The following PRKCI variants were observed in gnomAD, a reference collection of about 807,000 sequenced individuals.
PRKCI encodes the protein protein kinase C iota type.
Under a neutral mutation model 84.0 loss-of-function variants are expected in PRKCI, and 43 were observed. That is an observed-to-expected ratio of 0.51 (90% CI 0.40 to 0.66). PRKCI has a LOEUF of 0.66. PRKCI is among the 30% of genes least tolerant of loss of function. PRKCI has a pLI of 0.00. For missense variants in PRKCI, 459 were observed against 745.6 expected, an observed-to-expected ratio of 0.62 and a Z score of 4.48; for synonymous variants, 216 against 234.4, an observed-to-expected ratio of 0.92 and a Z score of 0.72.
At chr3:170,270,271 T>C (rs1240967885) in intron 5 of PRKCI, 150 bp from the exon 6 acceptor site, 2 of 694,334 alleles carry the variant, frequency 2.9e-6, no homozygotes, top group African/African-American at 1.8e-5. Flanking sequence ...TAAAAAATTA[T>C]GTATGAGGAA....
rs1027262710 is a variant in PRKCI, at chr3:170,222,494, G to C, written c.-176G>C. The C allele has an allele frequency of 4.0e-6, 2 of 504,712 alleles. No individual in the cohort carries two copies. Among genetic ancestry groups the C allele is most frequent in the African/African-American group, 2.0e-5 (1 of 49,318 alleles). 31.3% of individuals were successfully genotyped at this position (504,712 alleles called of 1,614,324 possible). On this transcript the variant is annotated 5_prime_UTR_variant, in exon 1 of 18. Coordinates refer to ENST00000295797, the MANE Select transcript of PRKCI (RefSeq NM_002740.6). ...GCCTACGGGCAGTGGGAGGAGCCGC[G>C]CGGTTCCGGCTGCTCCGGCGAGGCG... is the stretch of plus-strand genomic sequence containing the variant.
In PRKCI at chr3:170,224,053, G is replaced by A. The variant is rs576160421; in HGVS notation, c.101+1283G>A. 5.9e-4 allele frequency among the ~76,000 whole-genome samples: 87 copies of A among 146,956 alleles called. 3 individuals are homozygous for A. The South Asian group carries it at 0.02, about 34-fold the overall frequency. On this transcript the variant is annotated intron_variant, in intron 1 of 17. Transcript: ENST00000295797. ...TTTACATTAGGTATATCTCCTAATG[G>A]TATCCCTCCCCCCTCCCCCCACCCC...
At chr3:170,252,832 A>T (rs1158616414) in intron 2 of PRKCI, among the ~76,000 whole-genome samples, 1 of 151,760 alleles carries the variant, frequency 6.6e-6, no homozygotes, top group Non-Finnish European at 1.5e-5. Context: ...ACTAGATCTT[A>T]CTCATTCTGT....
At chr3:170,284,906 C>T (rs1734334970) in intron 12 of PRKCI, among the ~76,000 whole-genome samples, 1 of 152,116 alleles carries the variant, frequency 6.6e-6, no homozygotes, top group South Asian at 2.1e-4. Context: ...CTTAACACAA[C>T]CATTTGCATA....
intron 2 of PRKCI, among the ~76,000 whole-genome samples, chr3:170,246,573 G>A (rs548725490): frequency 3.1e-4 from 47 of 152,306 alleles, no homozygotes; most frequent in Non-Finnish European, 5.6e-4. Flanking sequence ...AGGATTACAG[G>A]CATGAGCCAC....
In PRKCI at chr3:170,270,488, A is replaced by G. The variant is rs771576001; in HGVS notation, c.518A>G (p.Asn173Ser). 14 of 1,613,856 alleles carry G rather than the reference A, an allele frequency of 8.7e-6. No individual in the cohort carries two copies. The highest frequency in any genetic ancestry group is 8.3e-5 in the Admixed American group (5 of 59,978). Residue 173 changes from asparagine to serine, a missense_variant, in exon 6 of 18, where the codon AAC becomes AGC. Around this residue, in one of 2 missense-constraint regions of PRKCI, gnomAD observed 250 missense variants for 319.7 expected, o/e 0.78. Coordinates refer to ENST00000295797, the MANE Select transcript of PRKCI (RefSeq NM_002740.6). ...GGACGCCAAGGATATAAGTGCATCA[A>G]CTGCAAACTCTTGGTTCATAAGAAG... ...GLGRQGYKCI[N>S]CKLLVHKKCH...
Position 170,293,517 on chromosome 3 carries a change from G to A in PRKCI, c.1417+9G>A. 1.9e-6 allele frequency: 3 copies of A among 1,612,398 alleles called. No homozygotes were observed. The highest frequency in any genetic ancestry group is 2.5e-6 in the Non-Finnish European group (3 of 1,179,194). Reference sequence around the variant, plus strand: ...GGATTATCTCTTCCAAGGTAATTTGGAGTATTTTACAGAGATTCTCTGAGA... The same window carrying A: ...GGATTATCTCTTCCAAGGTAATTTGAAGTATTTTACAGAGATTCTCTGAGA... On this transcript the variant is annotated intron_variant, in intron 14 of 17. Transcript: ENST00000295797.
intron 3 of PRKCI, among the ~76,000 whole-genome samples, chr3:170,261,335 A>G (rs1351561559): frequency 6.6e-6 from 1 of 151,818 alleles, no homozygotes; most frequent in Non-Finnish European, 1.5e-5. Flanking sequence ...TTTGAGAGCT[A>G]TGAGACCAGA....
At chr3:170,298,255 T>G (rs997137135) in intron 16 of PRKCI, among the ~76,000 whole-genome samples, 3 of 152,160 alleles carry the variant, frequency 2.0e-5, no homozygotes, top group Non-Finnish European at 4.4e-5. Context: ...TTTATTTTTT[T>G]AGGAGAAACA....
chr3:170,265,420 C>G (rs1001821860), intron 4 of PRKCI, among the ~76,000 whole-genome samples: 46 of 152,232 alleles, frequency 3.0e-4, no homozygotes, highest in African/African-American at 1.1e-3. Context: ...TCCAACTACT[C>G]TTTGTTCTAA....
At chr3:170,268,149 G>A in intron 5 of PRKCI, 149 bp downstream of exon 5, 1 of 620,006 alleles carries the variant, frequency 1.6e-6, no homozygotes, top group Non-Finnish European at 2.7e-6. Flanking sequence ...GCCTGAGGCA[G>A]TATGCCTATA....
At chr3:170,284,429 A>C in intron 11 of PRKCI, 32 bp from the exon 12 acceptor site, 2 of 1,498,888 alleles carry the variant, frequency 1.3e-6, no homozygotes, top group Non-Finnish European at 1.8e-6. Context: ...AATATGGTTG[A>C]ATCAAATGAC....
intron 13 of PRKCI, among the ~76,000 whole-genome samples, chr3:170,292,533 T>C (rs1734578166): frequency 6.6e-6 from 1 of 152,192 alleles, no homozygotes; most frequent in Non-Finnish European, 1.5e-5. Context: ...GTGGTACTTG[T>C]GAGAGCTGCT....
intron 17 of PRKCI, among the ~76,000 whole-genome samples, chr3:170,302,578 C>T (rs1247476652): frequency 6.6e-6 from 1 of 152,144 alleles, no homozygotes. Flanking sequence ...GATCTCCCTG[C>T]GGTGTTCTCT....
In PRKCI at chr3:170,255,926, G is replaced by A. The variant is rs559803618; in HGVS notation, c.224-4043G>A. 1.3e-3 allele frequency among the ~76,000 whole-genome samples: 193 copies of A among 152,094 alleles called. 2 individuals are homozygous for A. Among genetic ancestry groups the A allele is most frequent in the African/African-American group, 4.0e-3 (164 of 41,500 alleles). On this transcript the variant is annotated intron_variant, in intron 2 of 17. Coordinates refer to ENST00000295797, the MANE Select transcript of PRKCI (RefSeq NM_002740.6). ...CAATTGAAATGATAGTATGATTTTT[G>A]TCCTTTATTCTGTTGTATCATGTTT...
At chr3:170,275,799 C>T (rs1311406500) in intron 8 of PRKCI, among the ~76,000 whole-genome samples, 2 of 152,104 alleles carry the variant, frequency 1.3e-5, no homozygotes. Flanking sequence ...CCCAGTTTGG[C>T]TTCTTGGCAA....
chr3:170,265,430 A>T (rs894826906), intron 4 of PRKCI, among the ~76,000 whole-genome samples: 1 of 152,180 alleles, frequency 6.6e-6, no homozygotes, highest in Non-Finnish European at 1.5e-5. Context: ...CTTTGTTCTA[A>T]TGTAATTTAA....
chr3:170,297,223 GGCACACAACACAGA>G, intron 15 of PRKCI, 67 bp from the exon 16 acceptor site: 1 of 1,111,124 alleles, frequency 9.0e-7, no homozygotes, highest in Admixed American at 1.9e-5. Context: ...ATCATGTGAG[GGCACACAACACAGA>G]TCACAAAGAT....
chr3:170,235,499 A>C (rs1732946271), intron 2 of PRKCI, 148 bp downstream of exon 2: 1 of 814,532 alleles, frequency 1.2e-6, no homozygotes, highest in South Asian at 2.1e-5. Flanking sequence ...AAGTATTTAA[A>C]AGAATACTGA....
Sources: gnomAD v4.1 joint callset for allele counts (sites outside exome capture counted in the v4.1 genomes callset) on GRCh38, gnomAD v4.1.1 for gene constraint, gnomAD v4.1.1 regional missense constraint, MANE v1.5 for transcripts, NCBI Gene and HGNC (gene_info 2026-07-23, HGNC 2026-07-21) for gene names.